Variants in STYXL1 observed in about 807,000 individuals in gnomAD.
The protein encoded by STYXL1 is serine/threonine/tyrosine interacting like 1.
STYXL1 carries 32 observed loss-of-function variants against 36.4 expected under a neutral mutation model. The ratio of observed to expected loss-of-function variants is 0.88; its 90% confidence interval spans 0.66 to 1.18. The LOEUF is 1.18. Among genes scored for constraint, STYXL1 ranks in the 50% most tolerant of loss-of-function variants. The pLI is 0.00. For synonymous variants in STYXL1, 133 were observed against 144.1 expected, an observed-to-expected ratio of 0.92 and a Z score of 0.55; for missense variants, 354 against 394.1, an observed-to-expected ratio of 0.90 and a Z score of 0.86.
At chr7:76,010,122 C>G (rs1308637308) in intron 5 of STYXL1, among the ~76,000 whole-genome samples, 1 of 152,154 alleles carries the variant, frequency 6.6e-6, no homozygotes, top group Non-Finnish European at 1.5e-5. Flanking sequence ...AAATTAATCT[C>G]TCTGCACCCT....
intron 1 of STYXL1, chr7:76,043,999 ACTGTGGAAACC>A (rs1354804229): frequency 4.6e-5 from 7 of 152,240 alleles, no homozygotes; most frequent in Non-Finnish European, 7.3e-5. Flanking sequence ...CTACTTCTTG[ACTGTGGAAACC>A]CTGCTTGTTT....
intron 5 of STYXL1, among the ~76,000 whole-genome samples, chr7:76,009,159 G>A (rs1792206038): frequency 6.6e-6 from 1 of 152,110 alleles, no homozygotes; most frequent in South Asian, 2.1e-4. Context: ...ACACTGTACT[G>A]TAGAATGTGT....
At chr7:76,035,780 T>C (rs907786988) in intron 1 of STYXL1, among the ~76,000 whole-genome samples, 4 of 149,498 alleles carry the variant, frequency 2.7e-5, no homozygotes, top group Non-Finnish European at 6.0e-5. Context: ...CTACCTACTT[T>C]CCCCCATTGC....
At chr7:76,044,117 A>T (rs1246967186) in intron 1 of STYXL1, 2 of 152,160 alleles carry the variant, frequency 1.3e-5, no homozygotes, top group Non-Finnish European at 1.5e-5. Flanking sequence ...TTACCTTGGT[A>T]TTTCCTTAGA....
At chr7:76,003,352 C>T (rs142525409) in intron 7 of STYXL1, among the ~76,000 whole-genome samples, 72 of 152,248 alleles carry the variant, frequency 4.7e-4, no homozygotes, top group African/African-American at 1.5e-3. Flanking sequence ...TCCATTCCAC[C>T]GACATCCCAC....
At chr7:76,009,032 C>A (rs542058370) in intron 5 of STYXL1, among the ~76,000 whole-genome samples, 51 of 151,876 alleles carry the variant, frequency 3.4e-4, no homozygotes, top group East Asian at 1.7e-3. Context: ...ACAAAAAAAA[C>A]CCCACAAAAA....
chr7:76,001,562 C>T (rs1554567442), intron 7 of STYXL1, among the ~76,000 whole-genome samples: 1 of 152,118 alleles, frequency 6.6e-6, no homozygotes, highest in Non-Finnish European at 1.5e-5. Context: ...GGCACAATCT[C>T]AGTTCACTGC....
intron 1 of STYXL1, among the ~76,000 whole-genome samples, chr7:76,041,870 C>G (rs1554582226): frequency 6.6e-6 from 1 of 152,184 alleles, no homozygotes; most frequent in Non-Finnish European, 1.5e-5. Flanking sequence ...TGGAAAGGAG[C>G]ATGAGAGAAC....
intron 1 of STYXL1, among the ~76,000 whole-genome samples, chr7:76,043,472 A>G (rs1796672434): frequency 1.4e-5 from 2 of 148,096 alleles, no homozygotes; most frequent in Admixed American, 6.8e-5. Flanking sequence ...TTTGCCCAAG[A>G]GGGCCACCGA....
At chr7:76,004,196 C>T (rs1443607538) in intron 6 of STYXL1, among the ~76,000 whole-genome samples, 3 of 152,044 alleles carry the variant, frequency 2.0e-5, no homozygotes, top group Non-Finnish European at 2.9e-5. Flanking sequence ...CAGGTTCAAG[C>T]GATTCTCCTG....
chr7:76,009,652 G>T (rs545647224), intron 5 of STYXL1, among the ~76,000 whole-genome samples: 90 of 152,220 alleles, frequency 5.9e-4, no homozygotes, highest in African/African-American at 2.1e-3. Context: ...CTCGTGATCC[G>T]CCCGCCTTGG....
intron 4 of STYXL1, among the ~76,000 whole-genome samples, chr7:76,020,715 C>T (rs1469871302): frequency 6.6e-6 from 1 of 152,172 alleles, no homozygotes; most frequent in African/African-American, 2.4e-5. Context: ...CTTGCCATAT[C>T]ACCCAGGCTG....
intron 1 of STYXL1, among the ~76,000 whole-genome samples, chr7:76,037,751 G>A (rs1199495683): frequency 6.7e-6 from 1 of 149,846 alleles, no homozygotes; most frequent in African/African-American, 2.4e-5. Flanking sequence ...TGCTTCTGGT[G>A]AAGAGACAAC....
chr7:76,000,476 G>C (rs1554566591), intron 8 of STYXL1: 10 of 458,034 alleles, frequency 2.2e-5, no homozygotes, highest in Non-Finnish European at 4.4e-5. Flanking sequence ...TTCCGCCTGG[G>C]TTTGCTGCGA....
In STYXL1 at chr7:76,037,091, C is replaced by T. The variant is rs1795983419; in HGVS notation, c.-4-6564G>A. Among the ~76,000 whole-genome samples the T allele has an allele frequency of 1.3e-5, 2 of 149,992 alleles. 1 individual carries two copies. Among genetic ancestry groups the T allele is most frequent in the Non-Finnish European group, 3.0e-5 (2 of 67,064 alleles). On this transcript the variant is annotated intron_variant, in intron 1 of 8. Coordinates refer to ENST00000359697, the MANE Select transcript of STYXL1 (RefSeq NM_001317785.2). ...GAGCCACCGCACCCGGCCAGCTCTTCTTAAGAGACCCTTGGTGGGGTGTGG... is the reference window on the plus strand; with the variant it reads ...GAGCCACCGCACCCGGCCAGCTCTTTTTAAGAGACCCTTGGTGGGGTGTGG...
chr7:76,020,472 T>C (rs1554575733), intron 4 of STYXL1, among the ~76,000 whole-genome samples: 1 of 152,136 alleles, frequency 6.6e-6, no homozygotes, highest in Non-Finnish European at 1.5e-5. Context: ...TGGAGCACAT[T>C]GGAACTGACC....
intron 4 of STYXL1, among the ~76,000 whole-genome samples, chr7:76,017,589 A>T (rs945760122): frequency 6.6e-6 from 1 of 151,838 alleles, no homozygotes; most frequent in African/African-American, 2.4e-5. Context: ...CAGGGGTTGA[A>T]AAACTACCTA....
intron 3 of STYXL1, among the ~76,000 whole-genome samples, chr7:76,026,166 T>G (rs1230310422): frequency 1.0e-5 from 1 of 96,896 alleles, no homozygotes; most frequent in East Asian, 3.6e-4. Flanking sequence ...CACTCCAGCC[T>G]GGAGGACAGA....
At chr7:76,025,191 G>A (rs1316009021) in intron 3 of STYXL1, among the ~76,000 whole-genome samples, 1 of 150,676 alleles carries the variant, frequency 6.6e-6, no homozygotes, top group East Asian at 2.0e-4. Context: ...CTAGGGCTGG[G>A]AATGCCCTGA....
Sources: allele counts gnomAD v4.1 joint callset (sites outside exome capture counted in the v4.1 genomes callset), GRCh38; gene constraint gnomAD v4.1.1; transcripts MANE v1.5; gene names NCBI Gene and HGNC (gene_info 2026-07-23, HGNC 2026-07-21).